The following DECR1 variants were observed in gnomAD, a reference collection of about 807,000 sequenced individuals.
DECR1 encodes the protein 2,4-dienoyl-CoA reductase 1, also known as 2,4-dienoyl-CoA reductase [(3E)-enoyl-CoA-producing], mitochondrial.
A neutral mutation model predicts 38.8 loss-of-function variants in DECR1; 44 were observed. The observed-to-expected ratio is 1.13, with a 90% CI of 0.89 to 1.46. DECR1 has a LOEUF of 1.46. Among genes scored for constraint, DECR1 ranks in the 40% most tolerant of loss-of-function variants. The pLI, the probability that DECR1 is intolerant of heterozygous loss-of-function variation, is 0.00. For synonymous variants in DECR1, 148 were observed against 135.2 expected (o/e 1.09, Z -0.66); for missense variants, 428 against 405.5 (o/e 1.06, Z -0.48).
At chr8:90,013,404 T>G (rs1812933642) in intron 1 of DECR1, among the ~76,000 whole-genome samples, 1 of 139,286 alleles carries the variant, frequency 7.2e-6, no homozygotes, top group Non-Finnish European at 1.5e-5. Flanking sequence ...CTTTCGTTTT[T>G]TTTTTTTTTT....
At chr8:90,024,901 G>T (rs1387995524) in intron 5 of DECR1, among the ~76,000 whole-genome samples, 1 of 152,116 alleles carries the variant, frequency 6.6e-6, no homozygotes, top group Non-Finnish European at 1.5e-5. Flanking sequence ...TTTGTATAAG[G>T]AGTAAAAGGA....
rs1034641958 is a variant in DECR1 at position 90,053,204 on chromosome 8, C to A, written c.*1307C>A. ...CTAATCCTGTGTATTAGTCTGTTCT[C>A]ATGCTGCTAATAAAGACATAACCCA... On this transcript the variant is annotated 3_prime_UTR_variant, in exon 10 of 10. Coordinates refer to ENST00000220764, the MANE Select transcript of DECR1 (RefSeq NM_001359.2). Among the ~76,000 whole-genome samples, 5 of 152,224 alleles carry A rather than the reference C, an allele frequency of 3.3e-5. No homozygotes were observed. In the East Asian group the frequency reaches 9.6e-4, roughly 29 times the overall value.
chr8:90,016,763 AC>A, intron 1 of DECR1: 1 of 232,518 alleles, frequency 4.3e-6, no homozygotes, highest in Middle Eastern at 1.7e-3. Flanking sequence ...TATGTGCTAC[AC>A]ACTGCTCTAG....
At chr8:90,029,158 AT>A (rs747964322) in intron 5 of DECR1, 5 of 152,150 alleles carry the variant, frequency 3.3e-5, no homozygotes, top group Non-Finnish European at 5.9e-5. Flanking sequence ...GAGTGACGAT[AT>A]TTTACTGTTA....
chr8:90,041,525 T>C (rs1813763405), intron 6 of DECR1, among the ~76,000 whole-genome samples: 1 of 152,212 alleles, frequency 6.6e-6, no homozygotes. Context: ...CCATTTTATC[T>C]ATTGCAAGGA....
intron 1 of DECR1, chr8:90,005,208 A>G: frequency 2.5e-6 from 1 of 398,720 alleles, no homozygotes; most frequent in Non-Finnish European, 4.9e-6. Flanking sequence ...GCGTGTGGAG[A>G]CGAGATCAGT....
intron 1 of DECR1, among the ~76,000 whole-genome samples, chr8:90,013,027 G>A (rs1812924589): frequency 6.6e-6 from 1 of 152,178 alleles, no homozygotes; most frequent in Non-Finnish European, 1.5e-5. Flanking sequence ...ACGAGGTGGG[G>A]CTAGGAAAGT....
intron 8 of DECR1, among the ~76,000 whole-genome samples, chr8:90,051,376 T>A (rs77213295): frequency 0.074 from 11,186 of 152,020 alleles, 730 homozygotes; most frequent in African/African-American, 0.17. Context: ...ATAAGATTTT[T>A]TTGGGGACAC....
chr8:90,028,304 G>T (rs1291615901), intron 5 of DECR1, among the ~76,000 whole-genome samples: 1 of 152,046 alleles, frequency 6.6e-6, no homozygotes, highest in Non-Finnish European at 1.5e-5. Flanking sequence ...TAACATTCAA[G>T]TTAAAATGTT....
chr8:90,052,227 C>G lies in DECR1; in HGVS notation c.*330C>G, dbSNP rs4961169. The G allele has an allele frequency of 0.47, 115,107 of 244,302 alleles. 30,603 individuals are homozygous for G. Among genetic ancestry groups the G allele is most frequent in the African/African-American group, 0.77 (33,807 of 43,972 alleles). 15.1% of individuals were successfully genotyped at this position (244,302 alleles called of 1,614,324 possible). ...AAAATCAGGAGAAACTCAATGGTGG[C>G]GGTAGCATTTGAGTTACATAATATA... On this transcript the variant is annotated 3_prime_UTR_variant, in exon 10 of 10. Transcript: ENST00000220764.
intron 7 of DECR1, among the ~76,000 whole-genome samples, chr8:90,043,877 T>TC (rs1367387195): frequency 1.3e-5 from 2 of 152,220 alleles, no homozygotes; most frequent in African/African-American, 2.4e-5. Flanking sequence ...AACGCTTCTC[T>TC]CCAAGACCCC....
intron 5 of DECR1, among the ~76,000 whole-genome samples, chr8:90,025,225 G>A (rs893020214): frequency 3.3e-5 from 5 of 152,086 alleles, no homozygotes; most frequent in African/African-American, 1.2e-4. Context: ...GGTTCCATAT[G>A]AACTTTAAAG....
intron 5 of DECR1, among the ~76,000 whole-genome samples, chr8:90,022,637 A>G (rs1423089482): frequency 6.6e-6 from 1 of 150,720 alleles, no homozygotes; most frequent in East Asian, 2.0e-4. Flanking sequence ...CCTCTGTCTG[A>G]TTTTCTCTCG....
chr8:90,045,903 G>T (rs1813887818), intron 8 of DECR1, among the ~76,000 whole-genome samples: 1 of 152,182 alleles, frequency 6.6e-6, no homozygotes. Flanking sequence ...GCCTCCACTG[G>T]TGATACCCAG....
At chr8:90,015,644 C>T (rs1178878927) in intron 1 of DECR1, 2 of 456,440 alleles carry the variant, frequency 4.4e-6, no homozygotes, top group African/African-American at 2.0e-5. Flanking sequence ...TATTTAGCTA[C>T]AGGAATACTC....
chr8:90,026,499 GTTTA>G (rs962139515), intron 5 of DECR1, among the ~76,000 whole-genome samples: 2 of 152,136 alleles, frequency 1.3e-5, no homozygotes, highest in Non-Finnish European at 2.9e-5. Flanking sequence ...AGATTTTCTA[GTTTA>G]TTTGTGTAGA....
intron 4 of DECR1, among the ~76,000 whole-genome samples, chr8:90,019,556 T>A (rs1398997962): frequency 6.6e-6 from 1 of 152,262 alleles, no homozygotes; most frequent in Non-Finnish European, 1.5e-5. Context: ...TTCTGAGTTA[T>A]CAGTTCGTTG....
chr8:90,048,652 T>C (rs991137018), intron 8 of DECR1, among the ~76,000 whole-genome samples: 1 of 151,966 alleles, frequency 6.6e-6, no homozygotes, highest in Non-Finnish European at 1.5e-5. Flanking sequence ...TTCCAATCAA[T>C]AGAAAAAGAG....
intron 5 of DECR1, among the ~76,000 whole-genome samples, chr8:90,035,638 C>T (rs1200175751): frequency 6.6e-6 from 1 of 152,042 alleles, no homozygotes; most frequent in Non-Finnish European, 1.5e-5. Flanking sequence ...TCTGTCTTCT[C>T]TGTCATTTCT....
Sources: gnomAD v4.1 joint callset for allele counts (sites outside exome capture counted in the v4.1 genomes callset) on GRCh38, gnomAD v4.1.1 for gene constraint, MANE v1.5 for transcripts, NCBI Gene and HGNC (gene_info 2026-07-23, HGNC 2026-07-21) for gene names.